UNC5D: variants seen among roughly 807,000 people sequenced by gnomAD.
The protein encoded by UNC5D is netrin receptor UNC5D.
A neutral mutation model predicts 105.4 loss-of-function variants in UNC5D; 39 were observed. That is an observed-to-expected ratio of 0.37 (90% CI 0.29 to 0.48). The LOEUF is 0.48. Among genes scored for constraint, UNC5D ranks in the 20% least tolerant of loss-of-function variants. The probability of loss-of-function intolerance (pLI) is 0.98; values close to 1 mark genes in which losing one functional copy is unlikely to be tolerated. For synonymous variants in UNC5D, 452 were observed against 450.4 expected, an observed-to-expected ratio of 1.00 and a Z score of -0.04; for missense variants, 991 against 1,202.4, an observed-to-expected ratio of 0.82 and a Z score of 2.60.
intron 1 of UNC5D, among the ~76,000 whole-genome samples, chr8:35,249,936 T>C (rs2405809): frequency 0.37 from 56,514 of 151,838 alleles, 11,109 homozygotes; most frequent in Non-Finnish European, 0.43. Flanking sequence ...TTTTTTTTTT[T>C]CAAAATTGCA....
intron 1 of UNC5D, among the ~76,000 whole-genome samples, chr8:35,253,882 T>C (rs1292752250): frequency 6.6e-6 from 1 of 152,184 alleles, no homozygotes; most frequent in South Asian, 2.1e-4. Context: ...ACCTTCATCA[T>C]TTATGAAGGT....
chr8:35,416,074 T>A, intron 1 of UNC5D, among the ~76,000 whole-genome samples: 1 of 152,172 alleles, frequency 6.6e-6, no homozygotes, highest in Non-Finnish European at 1.5e-5. Context: ...GATAACTGTT[T>A]GAGGTGATGG....
intron 4 of UNC5D, among the ~76,000 whole-genome samples, chr8:35,659,964 C>A (rs995236170): frequency 6.6e-6 from 1 of 152,186 alleles, no homozygotes; most frequent in African/African-American, 2.4e-5. Flanking sequence ...ATGAAGAAAA[C>A]CATTTAAGGG....
At chr8:35,546,152 C>T (rs564041267) in intron 1 of UNC5D, among the ~76,000 whole-genome samples, 1 of 152,272 alleles carries the variant, frequency 6.6e-6, no homozygotes, top group Non-Finnish European at 1.5e-5. Context: ...TCGCCTTTGC[C>T]TCCCAAAGTG....
intron 14 of UNC5D, among the ~76,000 whole-genome samples, chr8:35,762,638 A>G (rs897723994): frequency 2.6e-5 from 4 of 152,172 alleles, no homozygotes; most frequent in South Asian, 2.1e-4. Flanking sequence ...TATTCTTTCA[A>G]TAGGTTACTG....
chr8:35,295,806 C>T (rs754815337), intron 1 of UNC5D, among the ~76,000 whole-genome samples: 3 of 152,162 alleles, frequency 2.0e-5, no homozygotes, highest in Non-Finnish European at 4.4e-5. Context: ...TGAAAGTTTG[C>T]AGCCTTTCAC....
intron 1 of UNC5D, chr8:35,544,643 C>T: frequency 2.2e-6 from 3 of 1,348,314 alleles, no homozygotes; most frequent in Non-Finnish European, 2.0e-6. Flanking sequence ...CAGTCTTTCA[C>T]TCAGGCTGGA....
chr8:35,425,516 T>G (rs1025913169), intron 1 of UNC5D, among the ~76,000 whole-genome samples: 11 of 152,244 alleles, frequency 7.2e-5, no homozygotes, highest in Admixed American at 5.9e-4. Flanking sequence ...CACCTTAGGA[T>G]TATGGTAAGC....
chr8:35,380,004 A>G (rs1461664806), intron 1 of UNC5D, among the ~76,000 whole-genome samples: 2 of 146,624 alleles, frequency 1.4e-5, no homozygotes, highest in East Asian at 4.1e-4. Context: ...TGGGACACCC[A>G]TGATAAAGGC....
At chr8:35,272,783 C>T (rs552029853) in intron 1 of UNC5D, among the ~76,000 whole-genome samples, 2 of 152,252 alleles carry the variant, frequency 1.3e-5, no homozygotes, top group South Asian at 4.1e-4. Flanking sequence ...TCAGTAGTCA[C>T]TGTGATTAAA....
At chr8:35,465,615 CA>C (rs2129731788) in intron 1 of UNC5D, among the ~76,000 whole-genome samples, 1 of 152,304 alleles carries the variant, frequency 6.6e-6, no homozygotes, top group Non-Finnish European at 1.5e-5. Context: ...ATGTGAAACT[CA>C]ATCTACTCAT....
intron 4 of UNC5D, among the ~76,000 whole-genome samples, chr8:35,656,819 T>C (rs1457291759): frequency 6.6e-6 from 1 of 152,032 alleles, no homozygotes; most frequent in Admixed American, 6.6e-5. Context: ...GTGCTATAGT[T>C]TGTCAATCTT....
At chr8:35,385,634 T>C (rs1271755779) in intron 1 of UNC5D, among the ~76,000 whole-genome samples, 1 of 151,764 alleles carries the variant, frequency 6.6e-6, no homozygotes, top group Non-Finnish European at 1.5e-5. Context: ...CCTGGAGAAT[T>C]TTTTGTATTT....
At chr8:35,467,180 G>T (rs991945098) in intron 1 of UNC5D, among the ~76,000 whole-genome samples, 1 of 152,122 alleles carries the variant, frequency 6.6e-6, no homozygotes, top group Non-Finnish European at 1.5e-5. Flanking sequence ...TTTTTCTTAA[G>T]ACGAATTCCT....
chr8:35,446,769 C>T (rs1344157006), intron 1 of UNC5D, among the ~76,000 whole-genome samples: 1 of 152,044 alleles, frequency 6.6e-6, no homozygotes. Flanking sequence ...GTTTGTTGCC[C>T]ATACCCACAC....
At chr8:35,427,073 T>A (rs1337121556) in intron 1 of UNC5D, among the ~76,000 whole-genome samples, 1 of 152,224 alleles carries the variant, frequency 6.6e-6, no homozygotes, top group Non-Finnish European at 1.5e-5. Flanking sequence ...TCCCCTGAAT[T>A]GACCAAACAG....
chr8:35,752,940 T>G (rs1830354017), intron 13 of UNC5D, among the ~76,000 whole-genome samples: 1 of 152,296 alleles, frequency 6.6e-6, no homozygotes, highest in East Asian at 1.9e-4. Flanking sequence ...CACAATTGTC[T>G]TGGAAGTCAG....
intron 7 of UNC5D, among the ~76,000 whole-genome samples, chr8:35,704,739 G>A (rs1827438028): frequency 6.6e-6 from 1 of 152,166 alleles, no homozygotes; most frequent in African/African-American, 2.4e-5. Context: ...GCATGGTGGT[G>A]GAGTTGTGTG....
intron 1 of UNC5D, among the ~76,000 whole-genome samples, chr8:35,367,397 A>C (rs1305725027): frequency 6.6e-6 from 1 of 152,110 alleles, no homozygotes; most frequent in Non-Finnish European, 1.5e-5. Context: ...CTTCAGATAT[A>C]CTTTTTGTTT....
Sources: gnomAD v4.1 joint callset for allele counts (sites outside exome capture counted in the v4.1 genomes callset) on GRCh38, gnomAD v4.1.1 for gene constraint, MANE v1.5 for transcripts, NCBI Gene and HGNC (gene_info 2026-07-23, HGNC 2026-07-21) for gene names.